Variants in AAK1 observed in about 807,000 individuals in gnomAD.
AAK1 encodes AP2 associated kinase 1, also known as AP2-associated protein kinase 1.
AAK1 carries 37 observed loss-of-function variants against 116.0 expected under a neutral mutation model. The observed-to-expected ratio is 0.32, with a 90% CI of 0.25 to 0.42. AAK1 has a LOEUF of 0.42. Among genes scored for constraint, AAK1 ranks in the 10% least tolerant of loss-of-function variants. The pLI is 1.00. For synonymous variants in AAK1, 458 were observed against 439.9 expected (o/e 1.04, Z -0.51); for missense variants, 919 against 1,170.6 (o/e 0.79, Z 3.14).
Position 69,471,176 on chromosome 2 carries a change from A to G in AAK1, c.*4693T>C. ...ATACTCACAGGAAAAGAGTAAATTCAGGTCACTACATCAAAGTGTGAACCA... is the reference window on the plus strand; with the variant it reads ...ATACTCACAGGAAAAGAGTAAATTCGGGTCACTACATCAAAGTGTGAACCA... On this transcript the variant is annotated 3_prime_UTR_variant, in exon 22 of 22. Transcript: ENST00000409085. The G allele has an allele frequency of 1.0e-6, 1 of 985,542 alleles. No individual in the cohort carries two copies. The highest frequency in any genetic ancestry group is 1.2e-6 in the Non-Finnish European group (1 of 829,938). The allele number at this position is 985,542 out of a possible 1,614,324, so 61.0% of individuals were successfully genotyped here.
At position 69,502,857 on chromosome 2, in the gene AAK1, A is replaced by T. The variant is rs987439744; in HGVS notation, c.2269+2712T>A. ...AGTTATCTTAGAGAAACTGTAAAGG[A>T]TATAAACAAAAATTTAGCTTCAAGA... On this transcript the variant is annotated intron_variant, in intron 16 of 21. Coordinates refer to ENST00000409085, the MANE Select transcript of AAK1 (RefSeq NM_014911.5). 2.0e-5 allele frequency among the ~76,000 whole-genome samples: 3 copies of T among 152,244 alleles called. No homozygotes were observed. In the East Asian group the frequency reaches 5.8e-4, roughly 29 times the overall value.
intron 2 of AAK1, 116 bp downstream of exon 2, chr2:69,642,762 A>AG: frequency 7.2e-7 from 1 of 1,384,580 alleles, no homozygotes; most frequent in Non-Finnish European, 1.0e-6. Flanking sequence ...GGGCAAGTGA[A>AG]GGGGGAAGGG....
At chr2:69,564,191 CAAAAAAAAAAGAAAAAAGA>C (rs1376232936) in intron 2 of AAK1, among the ~76,000 whole-genome samples, 1 of 134,310 alleles carries the variant, frequency 7.4e-6, no homozygotes, top group Non-Finnish European at 1.6e-5. Context: ...GACTCCATCT[CAAAAAAAAAAGAAAAAAGA>C]AAAAAGAAAA....
At chr2:69,552,449 A>T (rs1263532282) in intron 3 of AAK1, among the ~76,000 whole-genome samples, 1 of 152,252 alleles carries the variant, frequency 6.6e-6, no homozygotes, top group Non-Finnish European at 1.5e-5. Flanking sequence ...GCAGTGGCTC[A>T]AGCCTGTAAT....
chr2:69,632,331 G>C (rs1426319731), intron 2 of AAK1, among the ~76,000 whole-genome samples: 1 of 152,184 alleles, frequency 6.6e-6, no homozygotes, highest in African/African-American at 2.4e-5. Flanking sequence ...GCAATGTTGA[G>C]ACATTTTTCA....
At chr2:69,565,486 A>T (rs145312831) in intron 2 of AAK1, among the ~76,000 whole-genome samples, 63 of 152,346 alleles carry the variant, frequency 4.1e-4, no homozygotes, top group Non-Finnish European at 6.8e-4. Flanking sequence ...CACAGTGAAA[A>T]GCCTAAGCAT....
At chr2:69,503,744 C>T (rs1187171938) in intron 16 of AAK1, among the ~76,000 whole-genome samples, 1 of 152,216 alleles carries the variant, frequency 6.6e-6, no homozygotes, top group African/African-American at 2.4e-5. Context: ...TGGTCTCAAA[C>T]TCTTGACCTT....
In AAK1 at chr2:69,465,305, C is replaced by T. The variant is rs192217470; in HGVS notation, c.*10564G>A. On this transcript the variant is annotated 3_prime_UTR_variant, in exon 22 of 22. Transcript: ENST00000409085. The stretch of plus-strand genomic sequence containing the variant: ...GTTGACTCAAGAAATTCTGCTCTGA[C>T]GCAGGGAATTGAAATATAAGAACTG... The T allele has an allele frequency of 2.7e-5, 26 of 948,720 alleles. No homozygotes were observed. Among genetic ancestry groups the T allele is most frequent in the Admixed American group, 1.5e-4 (4 of 26,946 alleles). The allele number at this position is 948,720 out of a possible 1,614,324, so 58.8% of individuals were successfully genotyped here. A position where few individuals can be genotyped will look rare whatever the true frequency, so the allele number is the denominator to read the frequency against.
chr2:69,520,241 G>T, intron 11 of AAK1: 1 of 175,340 alleles, frequency 5.7e-6, no homozygotes, highest in Non-Finnish European at 1.3e-5. Context: ...GTTCCAAACT[G>T]CAAAAATCAG....
intron 2 of AAK1, among the ~76,000 whole-genome samples, chr2:69,638,827 G>C (rs564206448): frequency 6.6e-6 from 1 of 152,068 alleles, no homozygotes; most frequent in African/African-American, 2.4e-5. Flanking sequence ...ACCATCTAAG[G>C]TATGTATGTC....
chr2:69,576,955 C>A (rs1406651205), intron 2 of AAK1, among the ~76,000 whole-genome samples: 2 of 152,218 alleles, frequency 1.3e-5, no homozygotes, highest in African/African-American at 4.8e-5. Flanking sequence ...ATGGCCTAGT[C>A]CCTACCAGAC....
At chr2:69,479,145 T>C (rs142337492) in intron 19 of AAK1, 84 bp from the exon 20 acceptor site, 3 of 975,918 alleles carry the variant, frequency 3.1e-6, no homozygotes, top group Non-Finnish European at 4.8e-6. Flanking sequence ...ATCTTAGCTT[T>C]TAAGTTACTG....
chr2:69,468,527 A>G lies in AAK1; in HGVS notation c.*7342T>C. The G allele has an allele frequency of 2.0e-6, 2 of 985,392 alleles. No individual in the cohort carries two copies. Among genetic ancestry groups the G allele is most frequent in the Non-Finnish European group, 2.4e-6 (2 of 829,926 alleles). 61.0% of individuals were successfully genotyped at this position (985,392 alleles called of 1,614,324 possible). On this transcript the variant is annotated 3_prime_UTR_variant, in exon 22 of 22. Transcript: ENST00000409085. ...TGTTATTAAGCTTGTTCTGCAGGAGAGCAAAATATCTCTTAGGGAAAAAAA... is the reference window on the plus strand; with the variant it reads ...TGTTATTAAGCTTGTTCTGCAGGAGGGCAAAATATCTCTTAGGGAAAAAAA...
chr2:69,637,282 G>GGTCT (rs1193071731), intron 2 of AAK1, among the ~76,000 whole-genome samples: 7 of 151,984 alleles, frequency 4.6e-5, no homozygotes, highest in Admixed American at 2.6e-4. Flanking sequence ...TGTTGCCTTG[G>GGTCT]GTCTGTTCCC....
Position 69,488,346 on chromosome 2 carries a change from TAG to T in AAK1, c.2366-5536_2366-5535del, listed in dbSNP as rs368389548. On this transcript the variant is annotated intron_variant, in intron 17 of 21. Coordinates refer to ENST00000409085, the MANE Select transcript of AAK1 (RefSeq NM_014911.5). ...AATAAGTTGAAGTTATAAAAAAAGA[TAG>T]AGAGTATCATTTTATTGATTTATTT... is the stretch of plus-strand genomic sequence containing the variant. Among the ~76,000 whole-genome samples, 22 of 152,236 alleles carry T rather than the reference TAG, an allele frequency of 1.4e-4. 1 individual carries two copies. In the East Asian group the frequency reaches 4.0e-3, roughly 28 times the overall value.
At position 69,473,899 on chromosome 2, in the gene AAK1, T is replaced by A; in HGVS notation, c.*1970A>T. ...TAAAGGGGTAAACCAAGTCCTATTT[T>A]CACTGCTATCCAACCACAGAGAGCC... On this transcript the variant is annotated 3_prime_UTR_variant, in exon 22 of 22. Transcript: ENST00000409085. 2 of 985,898 alleles carry A rather than the reference T, an allele frequency of 2.0e-6. No individual in the cohort carries two copies. Among genetic ancestry groups the A allele is most frequent in the Non-Finnish European group, 2.4e-6 (2 of 829,940 alleles). 61.1% of individuals were successfully genotyped at this position (985,898 alleles called of 1,614,324 possible).
In AAK1 at chr2:69,475,533, C is replaced by T. The variant is rs966653729; in HGVS notation, c.*336G>A. ...AGAACGAGACAAAAGTGTCAATTCACTAGTTTCAGTTACAGTTAAGCTTTT... is the reference window on the plus strand; with the variant it reads ...AGAACGAGACAAAAGTGTCAATTCATTAGTTTCAGTTACAGTTAAGCTTTT... On this transcript the variant is annotated 3_prime_UTR_variant, in exon 22 of 22. Coordinates refer to ENST00000409085, the MANE Select transcript of AAK1 (RefSeq NM_014911.5). 6 of 1,062,182 alleles carry T rather than the reference C, an allele frequency of 5.6e-6. No individual in the cohort carries two copies. The African/African-American group carries it at 1.0e-4, about 18-fold the overall frequency. The allele number at this position is 1,062,182 out of a possible 1,614,324, so 65.8% of individuals were successfully genotyped here.
At chr2:69,640,744 C>T (rs2105276721) in intron 2 of AAK1, among the ~76,000 whole-genome samples, 1 of 152,334 alleles carries the variant, frequency 6.6e-6, no homozygotes, top group South Asian at 2.1e-4. Context: ...TCTCTCGCTA[C>T]TCTGTCTTTG....
At chr2:69,525,183 C>A in intron 9 of AAK1, 71 bp from the exon 10 acceptor site, 1 of 1,485,968 alleles carries the variant, frequency 6.7e-7, no homozygotes, top group Non-Finnish European at 9.4e-7. Context: ...GAATAAGCAG[C>A]CTGACTGGGA....
Sources: allele counts gnomAD v4.1 joint callset (sites outside exome capture counted in the v4.1 genomes callset), GRCh38; gene constraint gnomAD v4.1.1; transcripts MANE v1.5; gene names NCBI Gene and HGNC (gene_info 2026-07-23, HGNC 2026-07-21).